The following GCFC2 variants were observed in gnomAD, a reference collection of about 807,000 sequenced individuals.
GCFC2 encodes GC-rich sequence DNA-binding factor 2.
GCFC2 carries 102 observed loss-of-function variants against 99.4 expected under a neutral mutation model. The ratio of observed to expected loss-of-function variants is 1.03; its 90% CI spans 0.87 to 1.21. The LOEUF (loss-of-function observed/expected upper bound fraction) is 1.21. Among genes scored for constraint, GCFC2 ranks in the 50% most tolerant of loss-of-function variants. The pLI, the probability that GCFC2 is intolerant of heterozygous loss-of-function variation, is 0.00. For missense variants in GCFC2, 973 were observed against 920.9 expected (o/e 1.06, Z -0.73); for synonymous variants, 338 against 316.8 (o/e 1.07, Z -0.71).
At chr2:75,664,831 G>C in intron 16 of GCFC2, 48 bp from the exon 17 acceptor site, 1 of 848,364 alleles carries the variant, frequency 1.2e-6, no homozygotes, top group Non-Finnish European at 2.0e-6. Flanking sequence ...ATGTATGAGG[G>C]AACAGCGGTC....
At chr2:75,709,832 T>C (rs1307459771) in intron 1 of GCFC2, among the ~76,000 whole-genome samples, 1 of 152,158 alleles carries the variant, frequency 6.6e-6, no homozygotes, top group East Asian at 1.9e-4. Context: ...AATAAATTAA[T>C]AAAAATCACT....
intron 6 of GCFC2, among the ~76,000 whole-genome samples, 162 bp from the exon 7 acceptor site, chr2:75,692,262 T>C (rs1416419271): frequency 6.6e-6 from 1 of 151,966 alleles, no homozygotes; most frequent in South Asian, 2.1e-4. Flanking sequence ...GTATAAAACA[T>C]TGTGTGCAAC....
At chr2:75,701,015 C>A (rs1218191872) in intron 4 of GCFC2, among the ~76,000 whole-genome samples, 175 bp downstream of exon 4, 1 of 152,192 alleles carries the variant, frequency 6.6e-6, no homozygotes, top group Non-Finnish European at 1.5e-5. Flanking sequence ...AATTACCGCT[C>A]CCCACAACCC....
chr2:75,667,823 T>C (rs1179264847), intron 15 of GCFC2, among the ~76,000 whole-genome samples: 1 of 152,152 alleles, frequency 6.6e-6, no homozygotes, highest in Non-Finnish European at 1.5e-5. Context: ...GACCCTATGG[T>C]CAAAGGGGAC....
At chr2:75,676,466 CT>C (rs111433157) in intron 12 of GCFC2, among the ~76,000 whole-genome samples, 32,575 of 147,572 alleles carry the variant, frequency 0.22, 3,707 homozygotes, top group South Asian at 0.28. Context: ...GAATATCATA[CT>C]TTTTTTTTTT....
chr2:75,673,388 A>C (rs1679207999), intron 13 of GCFC2, 56 bp downstream of exon 13: 2 of 783,194 alleles, frequency 2.6e-6, no homozygotes, highest in South Asian at 2.9e-5. Context: ...ATTCTTAAAC[A>C]AATCTGTATT....
At position 75,710,882 on chromosome 2, in the gene GCFC2, T is replaced by G. The variant is rs777527691; in HGVS notation, c.-27A>C. ...GCCGAGGCCCGAGCGCCCGGCGCCCTAGAACCCGCTGAACCGCAAGCCGCA... is the reference window on the plus strand; with the variant it reads ...GCCGAGGCCCGAGCGCCCGGCGCCCGAGAACCCGCTGAACCGCAAGCCGCA... On this transcript the variant is annotated 5_prime_UTR_variant, in exon 1 of 17. Transcript: ENST00000321027. 4 of 1,519,966 alleles carry G rather than the reference T, an allele frequency of 2.6e-6. No individual in the cohort carries two copies. In the African/African-American group the frequency reaches 5.8e-5, roughly 22 times the overall value. 94.2% of individuals were successfully genotyped at this position (1,519,966 alleles called of 1,614,324 possible).
intron 16 of GCFC2, among the ~76,000 whole-genome samples, chr2:75,665,488 G>A (rs913585471): frequency 6.6e-6 from 1 of 152,012 alleles, no homozygotes; most frequent in Admixed American, 6.6e-5. Flanking sequence ...TGGAGAGGGA[G>A]TTAACAGGAA....
chr2:75,708,309 T>A (rs1379735718), intron 1 of GCFC2, among the ~76,000 whole-genome samples: 1 of 152,090 alleles, frequency 6.6e-6, no homozygotes, highest in East Asian at 1.9e-4. Flanking sequence ...AATACTATGA[T>A]TTTTTTGGTA....
intron 11 of GCFC2, among the ~76,000 whole-genome samples, chr2:75,683,107 C>G (rs1573059332): frequency 6.6e-6 from 1 of 151,908 alleles, no homozygotes; most frequent in East Asian, 1.9e-4. Context: ...CACAAAGATA[C>G]TCCTCGAGAA....
At position 75,675,315 on chromosome 2, in the gene GCFC2, T is replaced by G. The variant is rs150359276; in HGVS notation, c.1813-1795A>C. On this transcript the variant is annotated intron_variant, in intron 12 of 16. Coordinates refer to ENST00000321027, the MANE Select transcript of GCFC2 (RefSeq NM_003203.5). The stretch of plus-strand genomic sequence containing the variant: ...ATGTATATATTTAAAATGGAAGGGC[T>G]AATGATAAAGCCAATGGGGCAAAAT... Among the ~76,000 whole-genome samples, 111 of 152,358 alleles carry G rather than the reference T, an allele frequency of 7.3e-4. No individual in the cohort carries two copies. In the East Asian group the frequency reaches 0.019, roughly 27 times the overall value.
rs114887760 is a variant in GCFC2, at chr2:75,699,394, T to G, written c.717+1796A>C. ...TGATAAAATTACCAAGACACTAACA[T>G]CTCCATGAATGAGAAAGTTTGGGAA... On this transcript the variant is annotated intron_variant, in intron 4 of 16. Coordinates refer to ENST00000321027, the MANE Select transcript of GCFC2 (RefSeq NM_003203.5). Among the ~76,000 whole-genome samples, 324 of 152,302 alleles carry G rather than the reference T, an allele frequency of 2.1e-3. 2 individuals are homozygous for G. Among genetic ancestry groups the G allele is most frequent in the African/African-American group, 7.5e-3 (310 of 41,544 alleles).
chr2:75,685,921 G>T (rs924065832), intron 11 of GCFC2, among the ~76,000 whole-genome samples: 1 of 152,158 alleles, frequency 6.6e-6, no homozygotes, highest in Non-Finnish European at 1.5e-5. Flanking sequence ...TGTCCTTCCA[G>T]TTGCTCAGGC....
chr2:75,691,885 A>C (rs938037264), intron 7 of GCFC2, 92 bp downstream of exon 7: 1 of 675,744 alleles, frequency 1.5e-6, no homozygotes, highest in African/African-American at 1.9e-5. Flanking sequence ...AAAATACATG[A>C]AAAACATGTT....
Position 75,702,291 on chromosome 2 carries a change from T to C in GCFC2, c.527A>G (p.Asp176Gly), listed in dbSNP as rs1391963081. The C allele has an allele frequency of 4.3e-6, 7 of 1,613,688 alleles. No individual in the cohort carries two copies. Among genetic ancestry groups the C allele is most frequent in the East Asian group, 4.5e-5 (2 of 44,890 alleles). ...SISGMKRESE[D>G]DPESEPDDHE... ...GTCATCAGGCTCACTCTCAGGGTCA[T>C]CTTCGCTCTCTCTCTTCATACCAGA... is the stretch of plus-strand genomic sequence containing the variant. The change falls in exon 3 of 17, where the codon GAT (aspartate) becomes GGT (glycine). Residue 176 changes from aspartate to glycine, a missense_variant. Transcript: ENST00000321027.
chr2:75,703,340 T>A (rs1680694308), intron 2 of GCFC2, among the ~76,000 whole-genome samples: 1 of 152,152 alleles, frequency 6.6e-6, no homozygotes, highest in Non-Finnish European at 1.5e-5. Context: ...TTGACCCAAA[T>A]TCTTTGAGAA....
In GCFC2 at chr2:75,696,274, T is replaced by C; in HGVS notation, c.759A>G (p.Lys253=). Residue 253 remains lysine (K), a synonymous_variant, in exon 5 of 17, where the codon AAA becomes AAG. Transcript: ENST00000321027. ...AAATGGAAGTATCAAATTTCTTCACTTTTGAAGATCCATTGCCACAGGAAA... is the reference window on the plus strand; with the variant it reads ...AAATGGAAGTATCAAATTTCTTCACCTTTGAAGATCCATTGCCACAGGAAA... ...IDLSCGNGSS[K]VKKFDTSISF... is the part of the protein sequence containing the mutation. The C allele has an allele frequency of 6.6e-7, 1 of 1,523,984 alleles. No homozygotes were observed. The highest frequency in any genetic ancestry group is 9.1e-7 in the Non-Finnish European group (1 of 1,099,254). 94.4% of individuals were successfully genotyped at this position (1,523,984 alleles called of 1,614,324 possible).
chr2:75,673,480 A>T lies in GCFC2; in HGVS notation c.1853T>A (p.Val618Glu). 7.0e-7 allele frequency: 1 copy of T among 1,437,232 alleles called. No individual in the cohort carries two copies. The highest frequency in any genetic ancestry group is 9.8e-7 in the Non-Finnish European group (1 of 1,019,080). The allele number at this position is 1,437,232 out of a possible 1,614,324, so 89.0% of individuals were successfully genotyped here. The stretch of plus-strand genomic sequence containing the variant: ...CAGAGGAATAAAAACATCATCTTCT[A>T]CTGCCTTTTTCATTCTTGAAACAAT... ...KSIVSRMKKA[V>E]EDDVFIPLYP... Residue 618 changes from valine (V) to glutamate (E), a missense_variant, in exon 13 of 17, where the codon GTA becomes GAA. Physicochemically the swap from Val to Glu is moderately radical, Grantham distance 121 (BLOSUM62 -2). Transcript: ENST00000321027.
In GCFC2 at chr2:75,702,296, GCT is replaced by G. The variant is rs751296637; in HGVS notation, c.520_521del (p.Ser174ArgfsTer3). ...TSSISGMKRE[S>X]EDDPESEPDD... is the part of the protein sequence containing the mutation. ...CAGGCTCACTCTCAGGGTCATCTTC[GCT>G]CTCTCTCTTCATACCAGAGATGGAG... is the stretch of plus-strand genomic sequence containing the variant. On this transcript the variant is annotated frameshift_variant, in exon 3 of 17. Coordinates refer to ENST00000321027, the MANE Select transcript of GCFC2 (RefSeq NM_003203.5). LOFTEE classifies it high-confidence loss of function. The G allele has an allele frequency of 1.2e-5, 19 of 1,613,206 alleles. 1 individual carries two copies. The South Asian group carries it at 2.0e-4, about 17-fold the overall frequency.
Sources: allele counts gnomAD v4.1 joint callset (sites outside exome capture counted in the v4.1 genomes callset), GRCh38; gene constraint gnomAD v4.1.1; transcripts MANE v1.5; gene names NCBI Gene and HGNC (gene_info 2026-07-23, HGNC 2026-07-21).